JAKMIP1: variants seen among roughly 807,000 people sequenced by gnomAD.
The protein encoded by JAKMIP1 is janus kinase and microtubule-interacting protein 1.
JAKMIP1 carries 33 observed loss-of-function variants against 113.0 expected under a neutral mutation model. That is an observed-to-expected ratio of 0.29 (90% confidence interval 0.22 to 0.39). The LOEUF is 0.39. JAKMIP1 is among the 10% of genes least tolerant of loss of function. The pLI is 1.00. For missense variants in JAKMIP1, 813 were observed against 1,080.5 expected, an observed-to-expected ratio of 0.75 and a Z score of 3.47; for synonymous variants, 480 against 459.9, an observed-to-expected ratio of 1.04 and a Z score of -0.56.
chr4:6,065,065 A>C lies in JAKMIP1; in HGVS notation c.1303-57T>G. ...CGACTGAGGATTGCCAGAGTCTACC[A>C]GTCCCTGGTCGTGGGCATGCCAGTG... is the stretch of plus-strand genomic sequence containing the variant. On this transcript the variant is annotated intron_variant, in intron 8 of 20. Transcript: ENST00000409021. The surrounding 1 kb of genome is among the most constrained non-coding windows in gnomAD (Gnocchi z 5.1). 2 of 1,609,094 alleles carry C rather than the reference A, an allele frequency of 1.2e-6. No individual in the cohort carries two copies. Among genetic ancestry groups the C allele is most frequent in the Non-Finnish European group, 1.7e-6 (2 of 1,177,208 alleles).
Position 6,076,573 on chromosome 4 carries a change from AG to A in JAKMIP1, c.1302+2365del, listed in dbSNP as rs1367823532. Among the ~76,000 whole-genome samples the A allele has an allele frequency of 6.6e-6, 1 of 152,222 alleles. No individual in the cohort carries two copies. The highest frequency in any genetic ancestry group is 2.4e-5 in the African/African-American group (1 of 41,466). ...CTAAGTGGCATTACCTGAACGCTGCAGTAAAGGCCACCAGGAGGCAGCCTGG... is the reference window on the plus strand; with the variant it reads ...CTAAGTGGCATTACCTGAACGCTGCATAAAGGCCACCAGGAGGCAGCCTGG... On this transcript the variant is annotated intron_variant, in intron 8 of 20. Transcript: ENST00000409021. The surrounding 1 kb of genome is among the most constrained non-coding windows in gnomAD (Gnocchi z 4.8).
rs1212148436 is a variant in JAKMIP1 at position 6,035,979 on chromosome 4, C to T, written c.2304G>A (p.Gln768=). 6.4e-7 allele frequency: 1 copy of T among 1,551,614 alleles called. No homozygotes were observed. The highest frequency in any genetic ancestry group is 2.0e-5 in the Admixed American group (1 of 51,028). ...LQAAVEKVRR[Q]ILRQSREFDS... ...CGAACTCGCGGCTCTGCCTGAGGAT[C>T]TGCCTGCGCACCTTTTCCACAGCAG... Residue 768 remains glutamine, a synonymous_variant, in exon 19 of 21, where the codon CAG becomes CAA. Transcript: ENST00000409021.
At chr4:6,095,625 C>T (rs555440203) in intron 3 of JAKMIP1, among the ~76,000 whole-genome samples, 28 of 152,292 alleles carry the variant, frequency 1.8e-4, no homozygotes, top group Non-Finnish European at 2.8e-4. Context: ...AGGCAGCAAA[C>T]GCGGATGCAA....
chr4:6,041,359 G>C (rs1037230833), intron 17 of JAKMIP1, among the ~76,000 whole-genome samples: 8 of 152,182 alleles, frequency 5.3e-5, no homozygotes, highest in Non-Finnish European at 8.8e-5. Context: ...TGGCAGAGGT[G>C]GGAGTAGAAA....
intron 3 of JAKMIP1, among the ~76,000 whole-genome samples, chr4:6,090,818 C>A (rs928537180): frequency 6.0e-5 from 9 of 151,086 alleles, no homozygotes; most frequent in African/African-American, 2.0e-4. Context: ...TTGACCATAA[C>A]CACCTTAAAC....
At position 6,176,545 on chromosome 4, in the gene JAKMIP1, A is replaced by G. The variant is rs1011227474; in HGVS notation, c.-148+23708T>C. Reference sequence around the variant, plus strand: ...TAGAAACAAGACGCAGCACTGTACCACATCACCCGGACACACTCAGAATGG... The same window carrying G: ...TAGAAACAAGACGCAGCACTGTACCGCATCACCCGGACACACTCAGAATGG... On this transcript the variant is annotated intron_variant, in intron 1 of 20. Coordinates refer to ENST00000409021, the MANE Select transcript of JAKMIP1 (RefSeq NM_001099433.2). The surrounding 1 kb of genome is among the most constrained non-coding windows in gnomAD (Gnocchi z 5.5). 1.3e-5 allele frequency among the ~76,000 whole-genome samples: 2 copies of G among 152,180 alleles called. No individual in the cohort carries two copies. Among genetic ancestry groups the G allele is most frequent in the African/African-American group, 2.4e-5 (1 of 41,428 alleles).
In JAKMIP1 at chr4:6,093,700, A is replaced by C. The variant is rs1230490794; in HGVS notation, c.625-8071T>G. Among the ~76,000 whole-genome samples, 1 of 152,176 alleles carries C rather than the reference A, an allele frequency of 6.6e-6. No homozygotes were observed. The highest frequency in any genetic ancestry group is 1.5e-5 in the Non-Finnish European group (1 of 68,028). ...TACAATGAATGATGTCCACCTGTACAGGGAGGTGTGGCTGCCGTGCCCTGA... is the reference window on the plus strand; with the variant it reads ...TACAATGAATGATGTCCACCTGTACCGGGAGGTGTGGCTGCCGTGCCCTGA... On this transcript the variant is annotated intron_variant, in intron 3 of 20. Transcript: ENST00000409021. This position sits in a 1 kb window ranked among gnomAD's most constrained non-coding sequence, Gnocchi z 4.6.
In JAKMIP1 at chr4:6,049,459, T is replaced by A. The variant is rs899873877; in HGVS notation, c.1962+360A>T. Among the ~76,000 whole-genome samples the A allele has an allele frequency of 2.0e-5, 3 of 151,902 alleles. No homozygotes were observed. The highest frequency in any genetic ancestry group is 2.9e-5 in the Non-Finnish European group (2 of 67,992). On this transcript the variant is annotated intron_variant, in intron 15 of 20. Transcript: ENST00000409021. The surrounding 1 kb of genome is among the most constrained non-coding windows in gnomAD (Gnocchi z 7.0). ...CTCTGGTTGGGGACATTTCACAGAG[T>A]GGCACTAAGCTTTTGTGAAACATGG...
At chr4:6,036,228 TGGCAGG>T in intron 18 of JAKMIP1, 121 bp from the exon 19 acceptor site, 1 of 746,320 alleles carries the variant, frequency 1.3e-6, no homozygotes, top group Non-Finnish European at 2.2e-6. Context: ...GAGGGGCAAC[TGGCAGG>T]GGCCAAGCAC....
chr4:6,074,551 T>C (rs1194950768), intron 8 of JAKMIP1, among the ~76,000 whole-genome samples: 2 of 152,220 alleles, frequency 1.3e-5, no homozygotes, highest in African/African-American at 4.8e-5. Context: ...GCGGTACCCA[T>C]GGGGGACTGG....
In JAKMIP1 at chr4:6,167,317, C is replaced by T. The variant is rs909866781; in HGVS notation, c.-148+32936G>A. On this transcript the variant is annotated intron_variant, in intron 1 of 20. Coordinates refer to ENST00000409021, the MANE Select transcript of JAKMIP1 (RefSeq NM_001099433.2). The surrounding 1 kb of genome is among the most constrained non-coding windows in gnomAD (Gnocchi z 5.3). ...ATCTTTCATGTGGCTCCTCCTCCCCCTGACAGTGGCCCTTGTCTCCCTCCA... is the reference window on the plus strand; with the variant it reads ...ATCTTTCATGTGGCTCCTCCTCCCCTTGACAGTGGCCCTTGTCTCCCTCCA... Among the ~76,000 whole-genome samples, 2 of 152,034 alleles carry T rather than the reference C, an allele frequency of 1.3e-5. No individual in the cohort carries two copies. Among genetic ancestry groups the T allele is most frequent in the Admixed American group, 1.3e-4 (2 of 15,272 alleles).
At chr4:6,160,309 T>A (rs1722753437) in intron 1 of JAKMIP1, among the ~76,000 whole-genome samples, 1 of 152,186 alleles carries the variant, frequency 6.6e-6, no homozygotes, top group African/African-American at 2.4e-5. Context: ...AAAAGCATAA[T>A]GTTCTTTCCT....
intron 1 of JAKMIP1, among the ~76,000 whole-genome samples, chr4:6,169,602 ATTGTGTGTG>A (rs774446457): frequency 3.3e-4 from 23 of 70,674 alleles, no homozygotes; most frequent in South Asian, 1.4e-3. Flanking sequence ...GCCCTAGGAA[ATTGTGTGTG>A]TGTGTGTGTG....
chr4:6,053,868 G>T, intron 13 of JAKMIP1, 182 bp downstream of exon 13: 1 of 1,499,404 alleles, frequency 6.7e-7, no homozygotes. Flanking sequence ...AACACATTAA[G>T]GCAGTGAAAT....
At chr4:6,126,627 C>T (rs1347997581) in intron 1 of JAKMIP1, among the ~76,000 whole-genome samples, 1 of 151,034 alleles carries the variant, frequency 6.6e-6, no homozygotes, top group Non-Finnish European at 1.5e-5. Flanking sequence ...CACACACACA[C>T]ACAAACACAC....
rs75646963 is a variant in JAKMIP1, at chr4:6,155,095, G to T, written c.-147-42098C>A. Among the ~76,000 whole-genome samples the T allele has an allele frequency of 7.9e-4, 121 of 152,276 alleles. 2 individuals are homozygous for T. The East Asian group carries it at 0.022, about 28-fold the overall frequency. On this transcript the variant is annotated intron_variant, in intron 1 of 20. Coordinates refer to ENST00000409021, the MANE Select transcript of JAKMIP1 (RefSeq NM_001099433.2). This position sits in a 1 kb window ranked among gnomAD's most constrained non-coding sequence, Gnocchi z 6.1. ...CCAGCCTGCTGGGAAGATACTTCTG[G>T]TGACAGTGTTGGGGTGTGCTGAAAT...
rs1264973019 is a variant in JAKMIP1, at chr4:6,140,650, T to C, written c.-147-27653A>G. Among the ~76,000 whole-genome samples the C allele has an allele frequency of 6.6e-6, 1 of 152,180 alleles. No individual in the cohort carries two copies. Among genetic ancestry groups the C allele is most frequent in the East Asian group, 1.9e-4 (1 of 5,202 alleles). On this transcript the variant is annotated intron_variant, in intron 1 of 20. Transcript: ENST00000409021. This position sits in a 1 kb window ranked among gnomAD's most constrained non-coding sequence, Gnocchi z 9.4. ...ATACATGATTTTGTTTATCTCCTTTTGATCTGTCTTCTCCAAGACATTTTC... is the reference window on the plus strand; with the variant it reads ...ATACATGATTTTGTTTATCTCCTTTCGATCTGTCTTCTCCAAGACATTTTC...
chr4:6,035,440 A>G (rs1713284563), intron 19 of JAKMIP1, among the ~76,000 whole-genome samples: 1 of 152,114 alleles, frequency 6.6e-6, no homozygotes, highest in Admixed American at 6.6e-5. Context: ...TCAGCTCCCC[A>G]TGTGCTCAGT....
rs757168375 is a variant in JAKMIP1 at position 6,035,961 on chromosome 4, G to A, written c.2322C>T (p.Arg774=). The change falls in exon 19 of 21, where the codon CGC becomes CGT. Residue 774 remains arginine, a synonymous_variant. Transcript: ENST00000409021. The part of the protein sequence containing the change: ...KVRRQILRQS[R]EFDSQILRER... ...CCCGCAGGATCTGGCTGTCGAACTC[G>A]CGGCTCTGCCTGAGGATCTGCCTGC... is the stretch of plus-strand genomic sequence containing the variant. 1.4e-5 allele frequency: 22 copies of A among 1,551,302 alleles called. No individual in the cohort carries two copies. Among genetic ancestry groups the A allele is most frequent in the East Asian group, 4.9e-5 (2 of 40,938 alleles).
Sources: allele counts gnomAD v4.1 joint callset (sites outside exome capture counted in the v4.1 genomes callset), GRCh38; gene constraint gnomAD v4.1.1; non-coding constraint Gnocchi (gnomAD v3.1); transcripts MANE v1.5; gene names NCBI Gene and HGNC (gene_info 2026-07-23, HGNC 2026-07-21).